AKAP12: variants seen among roughly 807,000 people sequenced by gnomAD.
AKAP12 encodes A-kinase anchoring protein 12, also known as A-kinase anchor protein 12.
A neutral mutation model predicts 79.9 loss-of-function variants in AKAP12; 32 were observed. That is an observed-to-expected ratio of 0.40 (90% confidence interval 0.30 to 0.54). The LOEUF (loss-of-function observed/expected upper bound fraction) is 0.54. AKAP12 is among the 20% of genes least tolerant of loss of function. The pLI is 0.48. For synonymous variants in AKAP12, 808 were observed against 857.0 expected (o/e 0.94, Z 1.00); for missense variants, 2,074 against 2,177.0 (o/e 0.95, Z 0.94).
In AKAP12 at chr6:151,349,470, A is replaced by C. The variant is rs754492565; in HGVS notation, c.1079A>C (p.Glu360Ala). The change falls in exon 4 of 5, where the codon GAG becomes GCG. Residue 360 changes from glutamate to alanine, a missense_variant. Physicochemically the swap from Glu to Ala is moderately radical, Grantham distance 107. Coordinates refer to ENST00000402676, the MANE Select transcript of AKAP12 (RefSeq NM_005100.4). ...LTASEQAHPQEPAESAHEPRL... is the reference protein window; with the variant it reads ...LTASEQAHPQAPAESAHEPRL... Reference sequence around the variant, plus strand: ...GCCTCCGAGCAAGCCCACCCACAGGAGCCGGCAGAAAGTGCCCACGAGCCC... The same window carrying C: ...GCCTCCGAGCAAGCCCACCCACAGGCGCCGGCAGAAAGTGCCCACGAGCCC... The C allele has an allele frequency of 3.7e-6, 6 of 1,606,244 alleles. No individual in the cohort carries two copies. Among genetic ancestry groups the C allele is most frequent in the Non-Finnish European group, 4.2e-6 (5 of 1,177,740 alleles).
chr6:151,259,001 T>C (rs998781592), intron 2 of AKAP12, among the ~76,000 whole-genome samples: 14 of 150,696 alleles, frequency 9.3e-5, no homozygotes, highest in African/African-American at 3.4e-4. Flanking sequence ...TATCTATATA[T>C]GTGTGTGTGT....
At chr6:151,343,158 A>G (rs923043494) in intron 3 of AKAP12, among the ~76,000 whole-genome samples, 6 of 152,308 alleles carry the variant, frequency 3.9e-5, no homozygotes, top group Admixed American at 2.6e-4. Context: ...AGAATGAAGC[A>G]GAAGTGTTTC....
chr6:151,353,849 C>T (rs1778367860), intron 4 of AKAP12, 97 bp downstream of exon 4: 1 of 747,762 alleles, frequency 1.3e-6, no homozygotes, highest in Non-Finnish European at 2.1e-6. Context: ...TTAATGCCTT[C>T]GTGTAGAACC....
rs181171307 is a variant in AKAP12 at position 151,272,957 on chromosome 6, G to A, written c.162+32233G>A. On this transcript the variant is annotated intron_variant, in intron 2 of 4. Coordinates refer to ENST00000402676, the MANE Select transcript of AKAP12 (RefSeq NM_005100.4). Reference sequence around the variant, plus strand: ...TTGAGACAGAGTCTTGCTCTGGCTGGAGTGCAGTGGTGCAATCTCAACTCA... The same window carrying A: ...TTGAGACAGAGTCTTGCTCTGGCTGAAGTGCAGTGGTGCAATCTCAACTCA... Among the ~76,000 whole-genome samples the A allele has an allele frequency of 8.3e-4, 126 of 152,322 alleles. 1 individual carries two copies. Among genetic ancestry groups the A allele is most frequent in the Middle Eastern group, 3.4e-3 (1 of 294 alleles).
intron 3 of AKAP12, among the ~76,000 whole-genome samples, chr6:151,321,918 T>TGTTG (rs1339129420): frequency 1.2e-4 from 17 of 146,250 alleles, no homozygotes; most frequent in African/African-American, 4.2e-4. Flanking sequence ...TTTTTTTTTT[T>TGTTG]TTTTTTTTTT....
intron 2 of AKAP12, among the ~76,000 whole-genome samples, chr6:151,246,570 A>G (rs981338835): frequency 2.0e-5 from 3 of 152,126 alleles, no homozygotes; most frequent in South Asian, 4.1e-4. Flanking sequence ...ATACTTGCCA[A>G]TGTGCTAGGT....
chr6:151,277,765 A>G (rs751171712), intron 2 of AKAP12, among the ~76,000 whole-genome samples: 6 of 152,226 alleles, frequency 3.9e-5, no homozygotes, highest in African/African-American at 7.2e-5. Context: ...GAATAAGAAT[A>G]TAATCAGGAA....
rs1292985412 is a variant in AKAP12 at position 151,357,431 on chromosome 6, T to G, written c.*1717T>G. On this transcript the variant is annotated 3_prime_UTR_variant, in exon 5 of 5. Transcript: ENST00000402676. ...TTTTACTCAAACTTGGTACTCCAGT[T>G]TGAAAATTTAAATTTTGACTGCTGA... 6.6e-6 allele frequency: 1 copy of G among 152,206 alleles called. No individual in the cohort carries two copies. The highest frequency in any genetic ancestry group is 1.5e-5 in the Non-Finnish European group (1 of 68,034). The allele number at this position is 152,206 out of a possible 1,614,324, so 9.4% of individuals were successfully genotyped here.
At position 151,304,488 on chromosome 6, in the gene AKAP12, C is replaced by CAAAAAAAAAAAAAAAAAAAAA. The variant is rs1157088954; in HGVS notation, c.163-1248_163-1228dup. Among the ~76,000 whole-genome samples, 83 of 46,004 alleles carry CAAAAAAAAAAAAAAAAAAAAA rather than the reference C, an allele frequency of 1.8e-3. 10 individuals carry two copies. Among genetic ancestry groups the CAAAAAAAAAAAAAAAAAAAAA allele is most frequent in the Non-Finnish European group, 3.0e-3 (62 of 20,410 alleles). The allele number at this position is 46,004 out of a possible 152,430, so 30.2% of individuals were successfully genotyped here. A position where few individuals can be genotyped will look rare whatever the true frequency, so the allele number is the denominator to read the frequency against. ...TGGGTGAAACAGTGACACTCCATCTCAAAAAAAAAAAAAAAAAAAAAAAAA... is the reference window on the plus strand; with the variant it reads ...TGGGTGAAACAGTGACACTCCATCTCAAAAAAAAAAAAAAAAAAAAAAAAAAAAAAAAAAAAAAAAAAAAAA... On this transcript the variant is annotated intron_variant, in intron 2 of 4. Transcript: ENST00000402676.
At chr6:151,320,601 C>T (rs1035591131) in intron 3 of AKAP12, among the ~76,000 whole-genome samples, 3 of 152,128 alleles carry the variant, frequency 2.0e-5, no homozygotes, top group Non-Finnish European at 2.9e-5. Flanking sequence ...GACATCATTC[C>T]GTTCGGGTGA....
rs1582899929 is a variant in AKAP12 at position 151,348,979 on chromosome 6, C to G, written c.588C>G (p.Val196=). The G allele has an allele frequency of 1.2e-5, 19 of 1,614,074 alleles. No homozygotes were observed. In the East Asian group the frequency reaches 4.2e-4, roughly 36 times the overall value. ...KKDKTEKPDT[V]QLLTVKKDEG... Reference sequence around the variant, plus strand: ...ATAAGACAGAGAAGCCTGACACTGTCCAGCTACTCACTGTGAAGAAAGATG... The same window carrying G: ...ATAAGACAGAGAAGCCTGACACTGTGCAGCTACTCACTGTGAAGAAAGATG... The change falls in exon 4 of 5, where the codon GTC becomes GTG. Residue 196 remains valine (V), a synonymous_variant. Coordinates refer to ENST00000402676, the MANE Select transcript of AKAP12 (RefSeq NM_005100.4).
At chr6:151,346,952 C>T (rs1265981300) in intron 3 of AKAP12, among the ~76,000 whole-genome samples, 5 of 152,182 alleles carry the variant, frequency 3.3e-5, no homozygotes, top group African/African-American at 9.7e-5. Context: ...GTATCACTCT[C>T]GATTCATGGA....
At position 151,319,443 on chromosome 6, in the gene AKAP12, GTCTATCTATCTA is replaced by G. The variant is rs59954289; in HGVS notation, c.319+13573_319+13584del. On this transcript the variant is annotated intron_variant, in intron 3 of 4. Transcript: ENST00000402676. Reference sequence around the variant, plus strand: ...CCCTGAATCTAAAAGACAGGTGTCTGTCTATCTATCTATCTATCTATCTATCTATCTATCTAT... The same window carrying G: ...CCCTGAATCTAAAAGACAGGTGTCTGTCTATCTATCTATCTATCTATCTAT... Among the ~76,000 whole-genome samples the G allele has an allele frequency of 6.9e-4, 97 of 140,316 alleles. 1 individual carries two copies. The highest frequency in any genetic ancestry group is 1.5e-3 in the East Asian group (7 of 4,536). The allele number at this position is 140,316 out of a possible 152,430, so 92.1% of individuals were successfully genotyped here. A position where few individuals can be genotyped will look rare whatever the true frequency, so the allele number is the denominator to read the frequency against.
rs775721650 is a variant in AKAP12, at chr6:151,350,507, G to A, written c.2116G>A (p.Ala706Thr). 3 of 1,614,092 alleles carry A rather than the reference G, an allele frequency of 1.9e-6. No homozygotes were observed. The highest frequency in any genetic ancestry group is 1.1e-5 in the South Asian group (1 of 91,066). The part of the protein sequence containing the change: ...SSSDEEGGPK[A>T]MGGDHQKADE... ...TTCTGATGAGGAAGGGGGACCAAAA[G>A]CAATGGGAGGAGACCACCAGAAAGC... Residue 706 changes from alanine to threonine, a missense_variant, in exon 4 of 5, where the codon GCA (alanine) becomes ACA (threonine). By Grantham distance (58) the Ala-to-Thr change is moderately conservative (BLOSUM62 0). Transcript: ENST00000402676. The surrounding 1 kb of genome is among the most constrained non-coding windows in gnomAD (Gnocchi z 4.8).
At chr6:151,270,608 C>A (rs927043817) in intron 2 of AKAP12, among the ~76,000 whole-genome samples, 7 of 152,198 alleles carry the variant, frequency 4.6e-5, no homozygotes, top group Non-Finnish European at 1.0e-4. Context: ...AACTGGCAGA[C>A]TTTTCCAAAG....
intron 3 of AKAP12, among the ~76,000 whole-genome samples, chr6:151,344,677 G>C (rs1778042775): frequency 6.6e-6 from 1 of 151,720 alleles, no homozygotes; most frequent in Non-Finnish European, 1.5e-5. Flanking sequence ...AGGGCTACAG[G>C]CACCCGCCAC....
chr6:151,332,326 G>A (rs1028390387), intron 3 of AKAP12, among the ~76,000 whole-genome samples: 5 of 152,080 alleles, frequency 3.3e-5, no homozygotes, highest in African/African-American at 1.2e-4. Context: ...GTGAGCCACC[G>A]CGCCCGGCCC....
chr6:151,334,816 G>C (rs978302038), intron 3 of AKAP12, among the ~76,000 whole-genome samples: 1 of 151,854 alleles, frequency 6.6e-6, no homozygotes, highest in Non-Finnish European at 1.5e-5. Flanking sequence ...GTAGAGACGG[G>C]GTTTCTCCGT....
At chr6:151,341,076 C>T (rs1285388756) in intron 3 of AKAP12, among the ~76,000 whole-genome samples, 1 of 145,138 alleles carries the variant, frequency 6.9e-6, no homozygotes, top group Non-Finnish European at 1.5e-5. Flanking sequence ...TTTTTTGACA[C>T]AGTCTTGCCC....
Sources: gnomAD v4.1 joint callset for allele counts (sites outside exome capture counted in the v4.1 genomes callset) on GRCh38, gnomAD v4.1.1 for gene constraint, Gnocchi (gnomAD v3.1) non-coding constraint, MANE v1.5 for transcripts, NCBI Gene and HGNC (gene_info 2026-07-23, HGNC 2026-07-21) for gene names.